Variants in CECR2 observed in about 807,000 individuals in gnomAD.
CECR2 encodes the protein CECR2 histone acetyl-lysine reader, also known as chromatin remodeling regulator CECR2.
In CECR2, 30 loss-of-function variants were observed where a neutral mutation model predicts 154.5. The ratio of observed to expected loss-of-function variants is 0.19; its 90% CI spans 0.15 to 0.26. The LOEUF (loss-of-function observed/expected upper bound fraction) is 0.26. Among genes scored for constraint, CECR2 ranks in the 10% least tolerant of loss-of-function variants. The pLI is 1.00. For missense variants in CECR2, 1,743 were observed against 1,829.3 expected, an observed-to-expected ratio of 0.95 and a Z score of 0.86; for synonymous variants, 725 against 683.7, an observed-to-expected ratio of 1.06 and a Z score of -0.94.
At position 17,391,425 on chromosome 22, in the gene CECR2, G is replaced by A. The variant is rs142293276; in HGVS notation, c.126+21516G>A. On this transcript the variant is annotated intron_variant, in intron 1 of 18. Transcript: ENST00000262608. The stretch of plus-strand genomic sequence containing the variant: ...AGTGAAGTAATTACAACAGAGAGTT[G>A]ATTGGAATCACTCTGGCTCCGGTCC... 3.9e-5 allele frequency among the ~76,000 whole-genome samples: 6 copies of A among 152,350 alleles called. No homozygotes were observed. In the East Asian group the frequency reaches 7.7e-4, roughly 20 times the overall value.
chr22:17,555,948 A>C lies in CECR2; in HGVS notation c.*3108A>C, dbSNP rs1569164401. 1 of 152,190 alleles carries C rather than the reference A, an allele frequency of 6.6e-6. No individual in the cohort carries two copies. The highest frequency in any genetic ancestry group is 2.4e-5 in the African/African-American group (1 of 41,446). The allele number at this position is 152,190 out of a possible 1,614,324, so 9.4% of individuals were successfully genotyped here. ...GTGTCCCTAAGGCCCAAGAGAAAAGATGAGCTTCTTGGGAGGATTCTGGGT... is the reference window on the plus strand; with the variant it reads ...GTGTCCCTAAGGCCCAAGAGAAAAGCTGAGCTTCTTGGGAGGATTCTGGGT... On this transcript the variant is annotated 3_prime_UTR_variant, in exon 19 of 19. Coordinates refer to ENST00000262608, the MANE Select transcript of CECR2 (RefSeq NM_001290047.2).
At chr22:17,508,334 A>G (rs1032802559) in intron 7 of CECR2, among the ~76,000 whole-genome samples, 11 of 151,224 alleles carry the variant, frequency 7.3e-5, no homozygotes, top group Admixed American at 5.3e-4. Context: ...CAGCAGAGCA[A>G]CTGCCAGTCC....
intron 1 of CECR2, among the ~76,000 whole-genome samples, chr22:17,399,928 AATG>A (rs1360564398): frequency 1.3e-5 from 2 of 152,218 alleles, no homozygotes; most frequent in Non-Finnish European, 2.9e-5. Flanking sequence ...CCTCACATTT[AATG>A]ATGACATGCT....
At chr22:17,509,022 G>A (rs2055894719) in intron 7 of CECR2, among the ~76,000 whole-genome samples, 2 of 152,264 alleles carry the variant, frequency 1.3e-5, no homozygotes, top group East Asian at 1.9e-4. Flanking sequence ...AGGCCGAGGC[G>A]GGTGGATCAC....
chr22:17,451,196 A>G (rs1453098296), intron 1 of CECR2, among the ~76,000 whole-genome samples: 3 of 152,234 alleles, frequency 2.0e-5, no homozygotes, highest in Non-Finnish European at 2.9e-5. Context: ...CTGGCAGCCT[A>G]GGGGCATAGA....
At chr22:17,463,237 A>G (rs1397017414) in intron 1 of CECR2, among the ~76,000 whole-genome samples, 1 of 152,148 alleles carries the variant, frequency 6.6e-6, no homozygotes, top group African/African-American at 2.4e-5. Context: ...GAGAGTAGTG[A>G]GAAGCGATGT....
At chr22:17,492,280 C>A (rs1443352261) in intron 2 of CECR2, among the ~76,000 whole-genome samples, 1 of 152,198 alleles carries the variant, frequency 6.6e-6, no homozygotes, top group Non-Finnish European at 1.5e-5. Context: ...GCTGCCCTTT[C>A]ATGTCCCTAA....
intron 1 of CECR2, among the ~76,000 whole-genome samples, chr22:17,440,803 T>C (rs2054573879): frequency 1.3e-5 from 2 of 152,314 alleles, no homozygotes; most frequent in South Asian, 4.1e-4. Context: ...GATTATACAA[T>C]CATTACAGAC....
intron 1 of CECR2, among the ~76,000 whole-genome samples, chr22:17,460,974 T>G (rs1405667949): frequency 6.6e-6 from 1 of 152,228 alleles, no homozygotes; most frequent in Non-Finnish European, 1.5e-5. Context: ...AGCTGGCCTT[T>G]AGTTCCATCC....
intron 1 of CECR2, among the ~76,000 whole-genome samples, chr22:17,426,842 C>G (rs968535454): frequency 2.7e-4 from 41 of 152,144 alleles, no homozygotes; most frequent in African/African-American, 9.4e-4. Flanking sequence ...TGATCAAATT[C>G]AGATTTATGT....
chr22:17,377,016 T>C (rs5747079), intron 1 of CECR2, among the ~76,000 whole-genome samples: 40,548 of 152,126 alleles, frequency 0.27, 9,011 homozygotes, highest in African/African-American at 0.62. Context: ...CTTAGGCAGA[T>C]GACTGTGGGT....
At chr22:17,551,639 T>C (rs1035851607) in intron 17 of CECR2, among the ~76,000 whole-genome samples, 6 of 152,014 alleles carry the variant, frequency 3.9e-5, no homozygotes, top group Admixed American at 3.3e-4. Context: ...AGTGAGATCC[T>C]GTCTCTAGTG....
chr22:17,424,916 CTTTTTA>C (rs553027067), intron 1 of CECR2: 1 of 152,308 alleles, frequency 6.6e-6, no homozygotes, highest in African/African-American at 2.4e-5. Flanking sequence ...TGATTGCTTG[CTTTTTA>C]CTAGGTGTTT....
chr22:17,504,593 C>T (rs893025399), intron 6 of CECR2, among the ~76,000 whole-genome samples: 2 of 150,328 alleles, frequency 1.3e-5, no homozygotes, highest in Non-Finnish European at 1.5e-5. Flanking sequence ...CCCGCCACCG[C>T]GCCCGGCTAA....
intron 9 of CECR2, among the ~76,000 whole-genome samples, chr22:17,526,985 C>G (rs577838039): frequency 6.6e-6 from 1 of 152,074 alleles, no homozygotes; most frequent in Non-Finnish European, 1.5e-5. Context: ...AAGGAAACAA[C>G]CAGCAAAGTG....
intron 9 of CECR2, chr22:17,524,844 AT>A (rs1198961393): frequency 1.0e-5 from 4 of 394,590 alleles, no homozygotes; most frequent in East Asian, 2.3e-4. Context: ...TAATGTTTGT[AT>A]TTTTAGAGAT....
At chr22:17,514,369 T>C (rs1269331882) in intron 8 of CECR2, among the ~76,000 whole-genome samples, 2 of 152,160 alleles carry the variant, frequency 1.3e-5, no homozygotes, top group South Asian at 2.1e-4. Flanking sequence ...ATGTTGGGCA[T>C]TGCTTAAACC....
chr22:17,548,431 CAG>C lies in CECR2; in HGVS notation c.3145_3146del (p.Arg1049GlyfsTer24). The C allele has an allele frequency of 1.2e-6, 2 of 1,614,010 alleles. No individual in the cohort carries two copies. Among genetic ancestry groups the C allele is most frequent in the Non-Finnish European group, 1.7e-6 (2 of 1,179,900 alleles). Reference sequence around the variant, plus strand: ...TGAGAGACCTCTCCACGGTGGCAGACAGGGGCGCTCTATCCGAGAACGGAGTC... The same window carrying C: ...TGAGAGACCTCTCCACGGTGGCAGACGGGCGCTCTATCCGAGAACGGAGTC... Reference protein sequence around the residue: ...CVRDLSTVADRGALSENGVIG... With the variant: ...CVRDLSTVADXGALSENGVIG... On this transcript the variant is annotated frameshift_variant, in exon 17 of 19. Coordinates refer to ENST00000262608, the MANE Select transcript of CECR2 (RefSeq NM_001290047.2). LOFTEE classifies it high-confidence loss of function.
rs554798939 is a variant in CECR2 at position 17,407,533 on chromosome 22, T to G, written c.126+37624T>G. 6.3e-4 allele frequency among the ~76,000 whole-genome samples: 96 copies of G among 151,784 alleles called. 1 individual carries two copies. Among genetic ancestry groups the G allele is most frequent in the Non-Finnish European group, 6.8e-4 (46 of 67,926 alleles). On this transcript the variant is annotated intron_variant, in intron 1 of 18. Transcript: ENST00000262608. ...TCGCTTGAACCTGGGAGGCGGAGAT[T>G]GCAGTGAGCTGAGATCGCATCACTG...
Sources: gnomAD v4.1 joint callset for allele counts (sites outside exome capture counted in the v4.1 genomes callset) on GRCh38, gnomAD v4.1.1 for gene constraint, MANE v1.5 for transcripts, NCBI Gene and HGNC (gene_info 2026-07-23, HGNC 2026-07-21) for gene names.